Variants in OSBPL9 observed in about 807,000 individuals in gnomAD.
OSBPL9 encodes oxysterol binding protein like 9, also known as oxysterol-binding protein-related protein 9.
OSBPL9 carries 40 observed loss-of-function variants against 106.6 expected under a neutral mutation model. The ratio of observed to expected loss-of-function variants is 0.38; its 90% CI spans 0.29 to 0.49. OSBPL9 has a LOEUF of 0.49. OSBPL9 is among the 20% of genes least tolerant of loss of function. The pLI, the probability that OSBPL9 is intolerant of heterozygous loss-of-function variation, is 0.97. For synonymous variants in OSBPL9, 269 were observed against 295.4 expected, an observed-to-expected ratio of 0.91 and a Z score of 0.92; for missense variants, 609 against 887.2, an observed-to-expected ratio of 0.69 and a Z score of 3.98.
intron 3 of OSBPL9, among the ~76,000 whole-genome samples, chr1:51,700,011 G>A (rs907982458): frequency 1.3e-5 from 2 of 151,958 alleles, no homozygotes; most frequent in African/African-American, 2.4e-5. Context: ...ATTTAACTCC[G>A]TTTTCCAAAA....
chr1:51,659,801 A>G (rs1408640285), intron 2 of OSBPL9, among the ~76,000 whole-genome samples: 1 of 152,160 alleles, frequency 6.6e-6, no homozygotes, highest in African/African-American at 2.4e-5. Context: ...AAAAAGCATA[A>G]ATCAACAAAA....
At chr1:51,664,309 G>C (rs1255063855) in intron 2 of OSBPL9, among the ~76,000 whole-genome samples, 1 of 152,156 alleles carries the variant, frequency 6.6e-6, no homozygotes, top group Non-Finnish European at 1.5e-5. Context: ...ACTGCTTCAT[G>C]CAACAATATG....
At chr1:51,785,999 A>G (rs2149164542) in intron 21 of OSBPL9, 113 bp downstream of exon 21, 2 of 929,854 alleles carry the variant, frequency 2.2e-6, no homozygotes, top group Non-Finnish European at 3.3e-6. Context: ...TCTACAGTAT[A>G]TTAGAGCTGG....
the OSBPL9 span, among the ~76,000 whole-genome samples, chr1:51,523,375 G>C: frequency 1.3e-5 from 2 of 151,868 alleles, no homozygotes; most frequent in African/African-American, 4.8e-5. Flanking sequence ...CCAAAGTGCT[G>C]GGATTATAGG....
the OSBPL9 span, among the ~76,000 whole-genome samples, chr1:51,554,572 G>C: frequency 6.6e-6 from 1 of 152,134 alleles, no homozygotes; most frequent in Non-Finnish European, 1.5e-5. Flanking sequence ...ATAGCGTTTG[G>C]AAAGTGCTGA....
At chr1:51,713,909 T>A (rs1660576800) in intron 3 of OSBPL9, 94 bp from the exon 4 acceptor site, 1 of 1,012,380 alleles carries the variant, frequency 9.9e-7, no homozygotes, top group African/African-American at 1.6e-5. Flanking sequence ...AAACCTTTTC[T>A]GTTAGCCATC....
the OSBPL9 span, among the ~76,000 whole-genome samples, chr1:51,543,677 G>A: frequency 6.6e-6 from 1 of 152,222 alleles, no homozygotes. Context: ...TTACAGGCGT[G>A]AGCCACTGCG....
chr1:51,691,273 C>CTTTT (rs1005953851), intron 3 of OSBPL9, among the ~76,000 whole-genome samples: 32 of 108,942 alleles, frequency 2.9e-4, no homozygotes, highest in Non-Finnish European at 4.2e-4. Flanking sequence ...CTTGCTGTAA[C>CTTTT]TTTTTTTTTT....
rs570922427 is a variant in OSBPL9 at position 51,705,951 on chromosome 1, G to C, written c.242-8052G>C. On this transcript the variant is annotated intron_variant, in intron 3 of 23. Coordinates refer to ENST00000428468, the MANE Select transcript of OSBPL9 (RefSeq NM_024586.6). Reference sequence around the variant, plus strand: ...GGAAAGAGTCATGCATCAGTATATAGATTGTGCTATTCTGTTGTACTGTTT... The same window carrying C: ...GGAAAGAGTCATGCATCAGTATATACATTGTGCTATTCTGTTGTACTGTTT... Among the ~76,000 whole-genome samples the C allele has an allele frequency of 8.1e-4, 123 of 152,244 alleles. 2 individuals carry two copies. Among genetic ancestry groups the C allele is most frequent in the African/African-American group, 2.8e-3 (117 of 41,536 alleles).
At chr1:51,657,353 G>A (rs112230406) in intron 2 of OSBPL9, among the ~76,000 whole-genome samples, 9 of 152,296 alleles carry the variant, frequency 5.9e-5, no homozygotes, top group African/African-American at 2.2e-4. Context: ...CAGGTGCTGT[G>A]CTGGATGATT....
At chr1:51,762,010 A>G (rs1671623134) in intron 11 of OSBPL9, 39 bp downstream of exon 11, 5 of 1,431,886 alleles carry the variant, frequency 3.5e-6, no homozygotes, top group Non-Finnish European at 4.9e-6. Flanking sequence ...TCATAACTCT[A>G]TTAACATTTG....
the OSBPL9 span, among the ~76,000 whole-genome samples, chr1:51,555,009 G>A: frequency 6.6e-6 from 1 of 152,168 alleles, no homozygotes. Flanking sequence ...TACTGCCCTA[G>A]CTGATCTGCT....
At chr1:51,527,148 C>T in the OSBPL9 span, among the ~76,000 whole-genome samples, 1 of 152,140 alleles carries the variant, frequency 6.6e-6, no homozygotes. Context: ...AATCAAGGTC[C>T]TCCACTTATA....
chr1:51,534,863 C>T, the OSBPL9 span, among the ~76,000 whole-genome samples: 1 of 152,202 alleles, frequency 6.6e-6, no homozygotes, highest in Non-Finnish European at 1.5e-5. Context: ...GCCTATAAAA[C>T]GAAGGGGCTC....
At chr1:51,520,889 T>G in the OSBPL9 span, among the ~76,000 whole-genome samples, 1 of 152,372 alleles carries the variant, frequency 6.6e-6, no homozygotes, top group East Asian at 1.9e-4. Flanking sequence ...CTTGGCTTCT[T>G]TTTTGCTGCT....
intron 1 of OSBPL9, among the ~76,000 whole-genome samples, chr1:51,579,930 A>G (rs1327027341): frequency 6.6e-6 from 1 of 151,832 alleles, no homozygotes; most frequent in African/African-American, 2.4e-5. Context: ...TTAGGCTGTA[A>G]TGTACAGCAG....
intron 4 of OSBPL9, among the ~76,000 whole-genome samples, chr1:51,732,526 G>A (rs856599): frequency 6.7e-4 from 102 of 152,234 alleles, no homozygotes; most frequent in African/African-American, 2.3e-3. Flanking sequence ...TTTTAATGAA[G>A]TTCTACCACA....
upstream of OSBPL9, among the ~76,000 whole-genome samples, chr1:51,614,009 C>T (rs1244641172): frequency 6.6e-6 from 1 of 152,144 alleles, no homozygotes. Context: ...TCTGTAACTC[C>T]TGGGCTCGAG....
At chr1:51,644,078 TAAAAAAAAAAAA>T (rs968921768) in intron 1 of OSBPL9, among the ~76,000 whole-genome samples, 1 of 43,222 alleles carries the variant, frequency 2.3e-5, no homozygotes, top group African/African-American at 1.0e-4. Context: ...AGACCTTGTC[TAAAAAAAAAAAA>T]AAAAAAAAAA....
Sources: allele counts gnomAD v4.1 joint callset (sites outside exome capture counted in the v4.1 genomes callset), GRCh38; gene constraint gnomAD v4.1.1; transcripts MANE v1.5; gene names NCBI Gene and HGNC (gene_info 2026-07-23, HGNC 2026-07-21).